SUPT20H: variants seen among roughly 807,000 people sequenced by gnomAD.
The protein encoded by SUPT20H is transcription factor SPT20 homolog.
Under a neutral mutation model 122.8 loss-of-function variants are expected in SUPT20H, and 82 were observed. The ratio of observed to expected loss-of-function variants is 0.67; its 90% CI spans 0.56 to 0.80. The LOEUF is 0.80. SUPT20H is among the 30% of genes least tolerant of loss of function. The pLI is 0.00. For missense variants in SUPT20H, 831 were observed against 921.6 expected, an observed-to-expected ratio of 0.90 and a Z score of 1.27; for synonymous variants, 291 against 313.0, an observed-to-expected ratio of 0.93 and a Z score of 0.74.
chr13:37,051,422 C>T, intron 2 of SUPT20H, 66 bp downstream of exon 2: 2 of 1,501,694 alleles, frequency 1.3e-6, no homozygotes, highest in South Asian at 1.1e-5. Flanking sequence ...ATACAAATAT[C>T]TTTATGAAGA....
At chr13:37,017,106 A>G in intron 23 of SUPT20H, 139 bp downstream of exon 23, 3 of 1,193,726 alleles carry the variant, frequency 2.5e-6, no homozygotes, top group Non-Finnish European at 3.6e-6. Flanking sequence ...TACACACCCA[A>G]TAGCTGATTG....
intron 6 of SUPT20H, among the ~76,000 whole-genome samples, chr13:37,044,783 C>A (rs192834417): frequency 1.3e-5 from 2 of 152,198 alleles, no homozygotes; most frequent in Non-Finnish European, 2.9e-5. Flanking sequence ...GTGAAAATTA[C>A]TCAAAAGGCA....
At chr13:37,045,084 A>T (rs2066176361) in intron 6 of SUPT20H, among the ~76,000 whole-genome samples, 163 bp downstream of exon 6, 1 of 152,182 alleles carries the variant, frequency 6.6e-6, no homozygotes, top group Admixed American at 6.5e-5. Context: ...TTCTACCAAA[A>T]CATATCATAA....
chr13:37,047,464 C>T, intron 5 of SUPT20H, 71 bp downstream of exon 5: 1 of 1,354,196 alleles, frequency 7.4e-7, no homozygotes, highest in South Asian at 1.5e-5. Flanking sequence ...AATAATACTC[C>T]AAATGTAACT....
chr13:37,028,330 T>A, intron 13 of SUPT20H, 25 bp from the exon 14 acceptor site: 1 of 1,592,630 alleles, frequency 6.3e-7, no homozygotes, highest in Non-Finnish European at 8.5e-7. Flanking sequence ...GCACCTCAAA[T>A]AAATACCTTC....
At chr13:37,016,028 C>T (rs2060416286) in intron 23 of SUPT20H, among the ~76,000 whole-genome samples, 1 of 152,042 alleles carries the variant, frequency 6.6e-6, no homozygotes, top group African/African-American at 2.4e-5. Context: ...TTGTTATTTA[C>T]CAGATATAGT....
intron 9 of SUPT20H, among the ~76,000 whole-genome samples, chr13:37,035,897 T>G (rs1419714282): frequency 6.6e-6 from 1 of 152,232 alleles, no homozygotes; most frequent in East Asian, 1.9e-4. Context: ...ACGTAATATT[T>G]ATACTACTAC....
intron 1 of SUPT20H, among the ~76,000 whole-genome samples, chr13:37,051,822 T>C (rs570286509): frequency 7.2e-5 from 11 of 152,294 alleles, no homozygotes; most frequent in African/African-American, 2.6e-4. Flanking sequence ...GTTACAATTA[T>C]TACTCCTTTT....
At position 37,009,651 on chromosome 13, in the gene SUPT20H, GAAC is replaced by G. The variant is rs1566083198; in HGVS notation, c.*18_*20del. The G allele has an allele frequency of 1.9e-6, 3 of 1,611,972 alleles. No individual in the cohort carries two copies. The East Asian group carries it at 6.7e-5, about 36-fold the overall frequency. Reference sequence around the variant, plus strand: ...CAGTGCTCTTGTGTTTTTAAAAAAGGAACAAAAAGTAATGCAAGACTCAAAATT... The same window carrying G: ...CAGTGCTCTTGTGTTTTTAAAAAAGGAAAAAGTAATGCAAGACTCAAAATT... On this transcript the variant is annotated 3_prime_UTR_variant, in exon 26 of 26. Coordinates refer to ENST00000350612, the MANE Select transcript of SUPT20H (RefSeq NM_001014286.3).
chr13:37,042,139 T>C (rs567508026), intron 7 of SUPT20H, among the ~76,000 whole-genome samples: 13 of 152,182 alleles, frequency 8.5e-5, no homozygotes, highest in African/African-American at 2.7e-4. Flanking sequence ...TTCAGAGCAC[T>C]GGGCACGATC....
At position 37,022,935 on chromosome 13, in the gene SUPT20H, A is replaced by T; in HGVS notation, c.1592-855T>A. On this transcript the variant is annotated intron_variant, in intron 19 of 25. Coordinates refer to ENST00000350612, the MANE Select transcript of SUPT20H (RefSeq NM_001014286.3). The surrounding 1 kb of genome is among the most constrained non-coding windows in gnomAD (Gnocchi z 4.5). Reference sequence around the variant, plus strand: ...TAGAATGTATAGAAAATCTGTTGTGAATGAAGTATGCACAGTTTATCAATT... The same window carrying T: ...TAGAATGTATAGAAAATCTGTTGTGTATGAAGTATGCACAGTTTATCAATT... The T allele has an allele frequency of 8.5e-7, 1 of 1,182,412 alleles. No homozygotes were observed. The highest frequency in any genetic ancestry group is 1.6e-5 in the South Asian group (1 of 62,794). 73.2% of individuals were successfully genotyped at this position (1,182,412 alleles called of 1,614,324 possible).
chr13:37,049,356 G>A (rs993786366), intron 2 of SUPT20H, among the ~76,000 whole-genome samples: 2 of 151,880 alleles, frequency 1.3e-5, no homozygotes, highest in African/African-American at 4.8e-5. Context: ...TTAGAGACGA[G>A]GAAAAAACAT....
At chr13:37,055,889 A>C (rs940793271) in intron 1 of SUPT20H, among the ~76,000 whole-genome samples, 1 of 152,238 alleles carries the variant, frequency 6.6e-6, no homozygotes, top group African/African-American at 2.4e-5. Context: ...GCTAATATCC[A>C]GAATCTACAA....
At chr13:37,036,152 TTA>T (rs2064344493) in intron 9 of SUPT20H, among the ~76,000 whole-genome samples, 1 of 152,170 alleles carries the variant, frequency 6.6e-6, no homozygotes, top group Non-Finnish European at 1.5e-5. Flanking sequence ...AGCAAAAAGA[TTA>T]TGACTCCCTA....
chr13:37,026,749 G>A (rs371494608), intron 15 of SUPT20H, 41 bp downstream of exon 15: 5 of 1,171,084 alleles, frequency 4.3e-6, no homozygotes, highest in Non-Finnish European at 4.7e-6. Context: ...TGATATTTAT[G>A]TAATTTCTTA....
Position 37,051,469 on chromosome 13 carries a change from A to G in SUPT20H, c.3+19T>C. Reference sequence around the variant, plus strand: ...AACATTCTAAAACACAAATTTGAACATACTGAGCTGAAGCTTACCATTATG... The same window carrying G: ...AACATTCTAAAACACAAATTTGAACGTACTGAGCTGAAGCTTACCATTATG... On this transcript the variant is annotated intron_variant, in intron 2 of 25. Transcript: ENST00000350612. 6.2e-7 allele frequency: 1 copy of G among 1,608,388 alleles called. No individual in the cohort carries two copies. Among genetic ancestry groups the G allele is most frequent in the Non-Finnish European group, 8.5e-7 (1 of 1,175,966 alleles).
chr13:37,037,194 C>CAA (rs34269768), intron 9 of SUPT20H, among the ~76,000 whole-genome samples: 47,257 of 130,232 alleles, frequency 0.36, 8,929 homozygotes, highest in Non-Finnish European at 0.44. Flanking sequence ...GACTCTGCCT[C>CAA]AAAAAAAAAA....
At chr13:37,029,349 C>T (rs539212543) in intron 13 of SUPT20H, among the ~76,000 whole-genome samples, 130 of 151,988 alleles carry the variant, frequency 8.6e-4, no homozygotes, top group African/African-American at 3.0e-3. Context: ...GCCAACATGG[C>T]GAAACCCTGT....
intron 22 of SUPT20H, 53 bp downstream of exon 22, chr13:37,019,288 AG>A: frequency 7.3e-7 from 1 of 1,373,968 alleles, no homozygotes; most frequent in East Asian, 2.3e-5. Context: ...TACATTGTTT[AG>A]AAAAAAAGTC....
Sources: gnomAD v4.1 joint callset for allele counts (sites outside exome capture counted in the v4.1 genomes callset) on GRCh38, gnomAD v4.1.1 for gene constraint, Gnocchi (gnomAD v3.1) non-coding constraint, MANE v1.5 for transcripts, NCBI Gene and HGNC (gene_info 2026-07-23, HGNC 2026-07-21) for gene names.